Variants in NLRP14 observed in about 807,000 individuals in gnomAD.
NLRP14 encodes NLR family pyrin domain containing 14, also known as NACHT, LRR and PYD domains-containing protein 14.
In NLRP14, 105 loss-of-function variants were observed where a neutral mutation model predicts 94.7. That is an observed-to-expected ratio of 1.11 (90% CI 0.95 to 1.30). The LOEUF (loss-of-function observed/expected upper bound fraction) is 1.30, where lower values mean the gene tolerates loss of function less well. Ranked by LOEUF, NLRP14 falls within the 50% of genes most tolerant of loss-of-function variation. The pLI is 0.00. For synonymous variants in NLRP14, 508 were observed against 459.9 expected (o/e 1.10, Z -1.34); for missense variants, 1,362 against 1,254.1 (o/e 1.09, Z -1.30).
the NLRP14 span, among the ~76,000 whole-genome samples, chr11:7,083,108 T>A: frequency 6.6e-6 from 1 of 152,164 alleles, no homozygotes; most frequent in Non-Finnish European, 1.5e-5. Flanking sequence ...GTGGGAGAAA[T>A]TGCATAGTCA....
chr11:7,057,578 C>A, intron 6 of NLRP14, 99 bp from the exon 7 acceptor site: 2 of 1,181,856 alleles, frequency 1.7e-6, no homozygotes, highest in Non-Finnish European at 2.5e-6. Context: ...AGGCAAGATT[C>A]CAAAGATTAG....
chr11:7,056,239 G>A (rs749638280), intron 6 of NLRP14, among the ~76,000 whole-genome samples: 7 of 151,772 alleles, frequency 4.6e-5, no homozygotes, highest in Non-Finnish European at 1.0e-4. Context: ...TATTACAAGA[G>A]TGACACAAAG....
In NLRP14 at chr11:7,058,097, G is replaced by A. The variant is rs186651030; in HGVS notation, c.2463-183G>A. 9.9e-5 allele frequency among the ~76,000 whole-genome samples: 15 copies of A among 151,220 alleles called. No homozygotes were observed. In the South Asian group the frequency reaches 1.3e-3, roughly 13 times the overall value. ...TTCCAAGCTTCCCCTCTCCCCTTCC[G>A]TGTTTTGTTTCATCATATCCTGCAT... is the stretch of plus-strand genomic sequence containing the variant. On this transcript the variant is annotated intron_variant, in intron 7 of 11. Coordinates refer to ENST00000299481, the MANE Select transcript of NLRP14 (RefSeq NM_176822.4).
At chr11:7,085,951 A>G in the NLRP14 span, among the ~76,000 whole-genome samples, 8,313 of 152,264 alleles carry the variant, frequency 0.055, 462 homozygotes, top group African/African-American at 0.14. Flanking sequence ...TAATCTGTCA[A>G]TGGACACTTG....
the NLRP14 span, among the ~76,000 whole-genome samples, chr11:7,077,414 G>T: frequency 6.6e-6 from 1 of 152,232 alleles, no homozygotes; most frequent in Non-Finnish European, 1.5e-5. Context: ...AATCTCTGAA[G>T]CCACTCTCCT....
In NLRP14 at chr11:7,060,007, G is replaced by A. The variant is rs1852591534; in HGVS notation, c.2747G>A (p.Gly916Glu). ...GGATCAAACTGGCTACAAGACAATG[G>A]AGTGAAGCTTCTGTGTGATGTCTTT... Reference protein sequence around the residue: ...DLGSNWLQDNGVKLLCDVFRH... With the variant: ...DLGSNWLQDNEVKLLCDVFRH... The change falls in exon 9 of 12, where the codon GGA (glycine) becomes GAA (glutamate). Residue 916 changes from glycine (G) to glutamate (E), a missense_variant. Coordinates refer to ENST00000299481, the MANE Select transcript of NLRP14 (RefSeq NM_176822.4). The A allele has an allele frequency of 1.2e-6, 2 of 1,612,868 alleles. No homozygotes were observed. The highest frequency in any genetic ancestry group is 1.7e-6 in the Non-Finnish European group (2 of 1,179,052).
rs371761223 is a variant in NLRP14 at position 7,038,572 on chromosome 11, G to A, written c.-15G>A. ...ATTTTTTTTCCCCCCACAGAGGCCTGAATATTTGGACAAGATGGCAGATTC... is the reference window on the plus strand; with the variant it reads ...ATTTTTTTTCCCCCCACAGAGGCCTAAATATTTGGACAAGATGGCAGATTC... On this transcript the variant is annotated 5_prime_UTR_variant, in exon 2 of 12. Coordinates refer to ENST00000299481, the MANE Select transcript of NLRP14 (RefSeq NM_176822.4). The A allele has an allele frequency of 1.2e-6, 2 of 1,612,750 alleles. No homozygotes were observed. Among genetic ancestry groups the A allele is most frequent in the African/African-American group, 1.3e-5 (1 of 74,860 alleles).
the NLRP14 span, among the ~76,000 whole-genome samples, chr11:7,082,876 TCC>T: frequency 2.0e-5 from 3 of 152,312 alleles, no homozygotes; most frequent in East Asian, 5.8e-4. Flanking sequence ...TCACGGTCAA[TCC>T]CAGTATTTCT....
In NLRP14 at chr11:7,020,597, A is replaced by G. The variant is rs897208554; in HGVS notation, c.-195A>G. On this transcript the variant is annotated 5_prime_UTR_variant, in exon 1 of 12. Coordinates refer to ENST00000299481, the MANE Select transcript of NLRP14 (RefSeq NM_176822.4). ...CCCTGGGAAAGGGGGCGTGGCTGGA[A>G]ACGGAGCTACTGGCTTCGGAGAATT... 4 of 152,268 alleles carry G rather than the reference A, an allele frequency of 2.6e-5. No homozygotes were observed. The highest frequency in any genetic ancestry group is 9.7e-5 in the African/African-American group (4 of 41,434). The allele number at this position is 152,268 out of a possible 1,614,324, so 9.4% of individuals were successfully genotyped here.
chr11:7,089,916 C>T, the NLRP14 span: 14 of 1,612,786 alleles, frequency 8.7e-6, no homozygotes, highest in South Asian at 8.8e-5. Context: ...CTACGGAGGT[C>T]GCGACCGTGA....
intron 1 of NLRP14, among the ~76,000 whole-genome samples, chr11:7,024,591 G>T (rs1390295019): frequency 6.6e-6 from 1 of 152,076 alleles, no homozygotes; most frequent in South Asian, 2.1e-4. Flanking sequence ...ATCTGTGTGG[G>T]TATTGTGGAC....
At chr11:7,029,552 C>T (rs558209155) in intron 1 of NLRP14, among the ~76,000 whole-genome samples, 214 of 152,284 alleles carry the variant, frequency 1.4e-3, no homozygotes, top group Middle Eastern at 6.8e-3. Flanking sequence ...TGTGGGCACA[C>T]GTCCTTCCAA....
rs78300604 is a variant in NLRP14 at position 7,064,014 on chromosome 11, G to A, written c.2975+1511G>A. ...CTTCCCCACATGCAAACATGTAACT[G>A]AAAGGGGTAGAGGTCACTCTAATTT... On this transcript the variant is annotated intron_variant, in intron 10 of 11. Transcript: ENST00000299481. Among the ~76,000 whole-genome samples, 17 of 152,222 alleles carry A rather than the reference G, an allele frequency of 1.1e-4. No individual in the cohort carries two copies. The East Asian group carries it at 3.3e-3, about 29-fold the overall frequency.
chr11:7,076,468 C>G (rs972064263), downstream of NLRP14, among the ~76,000 whole-genome samples: 1 of 151,750 alleles, frequency 6.6e-6, no homozygotes, highest in Non-Finnish European at 1.5e-5. Context: ...CTTCTGATTC[C>G]CAGCCTTCTC....
chr11:7,081,394 T>C, the NLRP14 span, among the ~76,000 whole-genome samples: 1 of 152,122 alleles, frequency 6.6e-6, no homozygotes, highest in African/African-American at 2.4e-5. Context: ...TCACCCAAGA[T>C]GGGCATTTTG....
rs767383402 is a variant in NLRP14 at position 7,062,344 on chromosome 11, G to A, written c.2816G>A (p.Cys939Tyr). The change falls in exon 10 of 12, where the codon TGT (cysteine) becomes TAT (tyrosine). Residue 939 changes from cysteine to tyrosine, a missense_variant. Transcript: ENST00000299481. ...TGTAATTCTTACAGATTGATGGGCT[G>A]TGTTCTCACTAATGCATGTTGTCTG... Reference protein sequence around the residue: ...CNLQDLELMGCVLTNACCLDL... With the variant: ...CNLQDLELMGYVLTNACCLDL... 3.1e-6 allele frequency: 5 copies of A among 1,612,374 alleles called. No individual in the cohort carries two copies. Among genetic ancestry groups the A allele is most frequent in the Middle Eastern group, 1.6e-4 (1 of 6,078 alleles).
the NLRP14 span, chr11:7,090,478 T>G: frequency 1.2e-6 from 1 of 837,090 alleles, no homozygotes; most frequent in Non-Finnish European, 1.9e-6. Context: ...AAAATTCGTT[T>G]AGTTTAGTTT....
At position 7,048,627 on chromosome 11, in the gene NLRP14, G is replaced by T. The variant is rs1852395406; in HGVS notation, c.2124-1044G>T. Reference sequence around the variant, plus strand: ...TAGAGTAGGCTTGGTCTTACATATAGATGTAGTAAGACAACTAGATGTATG... The same window carrying T: ...TAGAGTAGGCTTGGTCTTACATATATATGTAGTAAGACAACTAGATGTATG... On this transcript the variant is annotated intron_variant, in intron 5 of 11. Transcript: ENST00000299481. Among the ~76,000 whole-genome samples the T allele has an allele frequency of 2.6e-5, 4 of 152,102 alleles. No individual in the cohort carries two copies. The South Asian group carries it at 6.2e-4, about 24-fold the overall frequency.
At chr11:7,027,857 ATC>A (rs1852036402) in intron 1 of NLRP14, among the ~76,000 whole-genome samples, 1 of 152,118 alleles carries the variant, frequency 6.6e-6, no homozygotes, top group Non-Finnish European at 1.5e-5. Context: ...GGTACAATTA[ATC>A]TCTCTTTCTA....
Sources: allele counts gnomAD v4.1 joint callset (sites outside exome capture counted in the v4.1 genomes callset), GRCh38; gene constraint gnomAD v4.1.1; transcripts MANE v1.5; gene names NCBI Gene and HGNC (gene_info 2026-07-23, HGNC 2026-07-21).